The following STX18 variants were observed in gnomAD, a reference collection of about 807,000 sequenced individuals.
The protein encoded by STX18 is syntaxin 18.
Under a neutral mutation model 50.1 loss-of-function variants are expected in STX18, and 40 were observed. The ratio of observed to expected loss-of-function variants is 0.80; its 90% CI spans 0.62 to 1.04. The LOEUF is 1.04. Ranked by LOEUF, STX18 falls within the 50% of genes least tolerant of loss-of-function variation. The pLI is 0.00. For missense variants in STX18, 410 were observed against 415.8 expected, an observed-to-expected ratio of 0.99 and a Z score of 0.12; for synonymous variants, 158 against 151.8, an observed-to-expected ratio of 1.04 and a Z score of -0.30.
intron 1 of STX18, chr4:4,507,137 C>T (rs1283733406): frequency 3.6e-6 from 2 of 558,270 alleles, no homozygotes; most frequent in Non-Finnish European, 7.0e-6. Flanking sequence ...AGGTGAGTTC[C>T]AAAGAATGCT....
At chr4:4,478,540 G>A (rs985109315) in intron 1 of STX18, 2 of 152,172 alleles carry the variant, frequency 1.3e-5, no homozygotes, top group Non-Finnish European at 2.9e-5. Flanking sequence ...CTTAGAATAG[G>A]GTAGAGGGCA....
intron 1 of STX18, among the ~76,000 whole-genome samples, chr4:4,531,560 C>T (rs190880497): frequency 1.7e-3 from 263 of 152,306 alleles, no homozygotes; most frequent in Non-Finnish European, 2.4e-3. Flanking sequence ...CACAGCACCT[C>T]CCCGTTTCAC....
chr4:4,436,296 T>C (rs1263112752), intron 6 of STX18, among the ~76,000 whole-genome samples: 1 of 152,226 alleles, frequency 6.6e-6, no homozygotes, highest in Non-Finnish European at 1.5e-5. Flanking sequence ...AGTGTCATTA[T>C]AGAAAAACAT....
chr4:4,474,920 T>C (rs1226642451), intron 1 of STX18, among the ~76,000 whole-genome samples: 2 of 152,240 alleles, frequency 1.3e-5, no homozygotes, highest in African/African-American at 4.8e-5. Flanking sequence ...TTTGATGTAA[T>C]TGGTTACAGC....
intron 1 of STX18, among the ~76,000 whole-genome samples, chr4:4,484,494 G>C (rs1728615091): frequency 1.3e-5 from 2 of 152,064 alleles, no homozygotes; most frequent in African/African-American, 4.8e-5. Flanking sequence ...CCTGTCATTT[G>C]CAATTCTGAT....
Position 4,438,912 on chromosome 4 carries a change from A to C in STX18, c.498-403T>G, listed in dbSNP as rs139904470. Among the ~76,000 whole-genome samples the C allele has an allele frequency of 2.2e-3, 324 of 150,526 alleles. 6 individuals carry two copies. Among genetic ancestry groups the C allele is most frequent in the East Asian group, 0.012 (60 of 5,144 alleles). On this transcript the variant is annotated intron_variant, in intron 5 of 10. Transcript: ENST00000306200. Reference sequence around the variant, plus strand: ...TGTTATTAATAATAATATATAATACATATTATACATATATTCATATATATA... The same window carrying C: ...TGTTATTAATAATAATATATAATACCTATTATACATATATTCATATATATA...
intron 1 of STX18, among the ~76,000 whole-genome samples, chr4:4,493,377 C>G (rs1041570165): frequency 3.4e-5 from 5 of 147,868 alleles, no homozygotes; most frequent in Admixed American, 2.1e-4. Context: ...TCGTGGTACA[C>G]GTAATGAGTT....
chr4:4,421,932 G>T (rs1480192349), intron 9 of STX18, among the ~76,000 whole-genome samples: 1 of 152,180 alleles, frequency 6.6e-6, no homozygotes, highest in Non-Finnish European at 1.5e-5. Context: ...CACAGGAGCA[G>T]AGACGGTGCT....
chr4:4,524,966 G>C (rs1221469764), intron 1 of STX18, among the ~76,000 whole-genome samples: 2 of 152,026 alleles, frequency 1.3e-5, no homozygotes, highest in African/African-American at 4.8e-5. Context: ...GAAAAGAAAA[G>C]AAAAGAAAAG....
chr4:4,526,888 T>C (rs1295191911), intron 1 of STX18, among the ~76,000 whole-genome samples: 1 of 152,228 alleles, frequency 6.6e-6, no homozygotes, highest in East Asian at 1.9e-4. Flanking sequence ...CCAGATTTCA[T>C]CTTTTGACAT....
At position 4,465,576 on chromosome 4, in the gene STX18, C is replaced by T. The variant is rs111599649; in HGVS notation, c.236+6063G>A. The stretch of plus-strand genomic sequence containing the variant: ...ATTATGGGAACGCATGGACATGAGG[C>T]GGTGGGGAACAATACAAACTGGGGC... On this transcript the variant is annotated intron_variant, in intron 2 of 10. Transcript: ENST00000306200. Among the ~76,000 whole-genome samples the T allele has an allele frequency of 8.2e-4, 125 of 152,076 alleles. 1 individual carries two copies. The highest frequency in any genetic ancestry group is 3.0e-3 in the African/African-American group (123 of 41,478).
intron 2 of STX18, among the ~76,000 whole-genome samples, chr4:4,466,718 G>A (rs907456957): frequency 2.6e-5 from 4 of 152,176 alleles, no homozygotes; most frequent in Non-Finnish European, 5.9e-5. Context: ...ATGCATTTAG[G>A]AACAACTGTA....
At position 4,420,604 on chromosome 4, in the gene STX18, C is replaced by T; in HGVS notation, c.912+260G>A. The T allele has an allele frequency of 2.0e-6, 1 of 506,788 alleles. No individual in the cohort carries two copies. The highest frequency in any genetic ancestry group is 3.5e-6 in the Non-Finnish European group (1 of 285,510). 31.4% of individuals were successfully genotyped at this position (506,788 alleles called of 1,614,324 possible). On this transcript the variant is annotated intron_variant, in intron 10 of 10. Coordinates refer to ENST00000306200, the MANE Select transcript of STX18 (RefSeq NM_016930.4). This position sits in a 1 kb window ranked among gnomAD's most constrained non-coding sequence, Gnocchi z 4.3. The stretch of plus-strand genomic sequence containing the variant: ...CCCTGGACATGAAGAGCTGGCCTGA[C>T]CCTGCCAGGAGTACCCCCACCCACC...
At chr4:4,479,734 A>G (rs1038098134) in intron 1 of STX18, among the ~76,000 whole-genome samples, 5 of 152,196 alleles carry the variant, frequency 3.3e-5, no homozygotes, top group Admixed American at 6.5e-5. Context: ...TCTACCATAA[A>G]ACCAAATTCA....
intron 1 of STX18, among the ~76,000 whole-genome samples, chr4:4,522,616 G>T (rs1436153701): frequency 6.6e-6 from 1 of 152,134 alleles, no homozygotes; most frequent in Non-Finnish European, 1.5e-5. Context: ...GAGCACTCCA[G>T]AACTTTAGGA....
chr4:4,510,150 T>C (rs1729931487), intron 1 of STX18, among the ~76,000 whole-genome samples: 1 of 152,174 alleles, frequency 6.6e-6, no homozygotes, highest in South Asian at 2.1e-4. Context: ...AATGGGTGCC[T>C]ACTATGTGTC....
At chr4:4,436,821 C>A (rs866237468) in intron 6 of STX18, among the ~76,000 whole-genome samples, 2 of 152,202 alleles carry the variant, frequency 1.3e-5, no homozygotes, top group Non-Finnish European at 2.9e-5. Context: ...CTGATCCCCA[C>A]GGGTCTTCTT....
At chr4:4,433,439 T>C (rs1044697494) in intron 7 of STX18, among the ~76,000 whole-genome samples, 1 of 151,702 alleles carries the variant, frequency 6.6e-6, no homozygotes, top group African/African-American at 2.4e-5. Flanking sequence ...TGTTCACTTG[T>C]TTATCTGCTG....
chr4:4,492,227 C>A (rs1411084374), intron 1 of STX18, among the ~76,000 whole-genome samples: 3 of 152,000 alleles, frequency 2.0e-5, no homozygotes, highest in Non-Finnish European at 4.4e-5. Context: ...GCATAAAATG[C>A]TCTTTATTTA....
Sources: allele counts gnomAD v4.1 joint callset (sites outside exome capture counted in the v4.1 genomes callset), GRCh38; gene constraint gnomAD v4.1.1; non-coding constraint Gnocchi (gnomAD v3.1); transcripts MANE v1.5; gene names NCBI Gene and HGNC (gene_info 2026-07-23, HGNC 2026-07-21).